Variants in BEND5 observed in about 807,000 individuals in gnomAD.
BEND5 encodes the protein BEN domain containing 5.
Under a neutral mutation model 43.9 loss-of-function variants are expected in BEND5, and 22 were observed. The observed-to-expected ratio is 0.50, with a 90% CI of 0.36 to 0.72. BEND5 has a LOEUF of 0.72. Among genes scored for constraint, BEND5 ranks in the 30% least tolerant of loss-of-function variants. BEND5 has a pLI of 0.00. For missense variants in BEND5, 428 were observed against 550.6 expected (o/e 0.78, Z 2.23); for synonymous variants, 228 against 225.9 (o/e 1.01, Z -0.08).
chr1:48,766,187 C>T (rs1270349508), intron 1 of BEND5, among the ~76,000 whole-genome samples: 1 of 152,114 alleles, frequency 6.6e-6, no homozygotes, highest in Non-Finnish European at 1.5e-5. Flanking sequence ...CTCACAACAA[C>T]CTTGCAAGTA....
chr1:48,773,792 G>T (rs1049360730), intron 1 of BEND5, among the ~76,000 whole-genome samples: 4 of 152,134 alleles, frequency 2.6e-5, no homozygotes, highest in African/African-American at 9.7e-5. Flanking sequence ...GAGCTTCGGT[G>T]TCCTCATCTA....
chr1:48,757,795 T>C (rs1644022249), intron 3 of BEND5, among the ~76,000 whole-genome samples: 1 of 152,208 alleles, frequency 6.6e-6, no homozygotes, highest in African/African-American at 2.4e-5. Context: ...GGCAAAATTG[T>C]ATTTTATTTA....
At position 48,761,902 on chromosome 1, in the gene BEND5, C is replaced by A. The variant is rs1442670285; in HGVS notation, c.227-432G>T. Among the ~76,000 whole-genome samples the A allele has an allele frequency of 2.0e-5, 3 of 152,138 alleles. No individual in the cohort carries two copies. In the East Asian group the frequency reaches 5.8e-4, roughly 29 times the overall value. ...AGAACTTGGTGGGTTTCTGTCAGCT[C>A]AAGTGCCAATAGACATGAGAGAGCT... On this transcript the variant is annotated intron_variant, in intron 1 of 5. Transcript: ENST00000371833.
intron 5 of BEND5, among the ~76,000 whole-genome samples, chr1:48,732,263 C>T (rs189402885): frequency 2.0e-5 from 3 of 152,022 alleles, no homozygotes; most frequent in Admixed American, 6.6e-5. Context: ...GCAGTTTTGC[C>T]AATGTCATGT....
At chr1:48,747,189 G>A (rs1477122273) in intron 3 of BEND5, among the ~76,000 whole-genome samples, 1 of 152,174 alleles carries the variant, frequency 6.6e-6, no homozygotes, top group Non-Finnish European at 1.5e-5. Flanking sequence ...ACAATCTGGC[G>A]CAGATATTTT....
chr1:48,732,525 A>C (rs1648305857), intron 5 of BEND5, among the ~76,000 whole-genome samples: 1 of 150,860 alleles, frequency 6.6e-6, no homozygotes, highest in African/African-American at 2.5e-5. Flanking sequence ...GAGTAGGGTG[A>C]TGTGACAGAC....
At chr1:48,734,099 C>T (rs1216374220) in intron 5 of BEND5, among the ~76,000 whole-genome samples, 1 of 152,138 alleles carries the variant, frequency 6.6e-6, no homozygotes. Flanking sequence ...TCAGGGTGAC[C>T]TCCCAAATCA....
chr1:48,742,950 A>C (rs1300505287), intron 3 of BEND5, among the ~76,000 whole-genome samples, 179 bp from the exon 4 acceptor site: 1 of 152,238 alleles, frequency 6.6e-6, no homozygotes, highest in Non-Finnish European at 1.5e-5. Context: ...TCACAAGGGA[A>C]AAGGTGGAAA....
intron 1 of BEND5, among the ~76,000 whole-genome samples, chr1:48,772,324 C>T (rs1299856775): frequency 6.6e-6 from 1 of 152,202 alleles, no homozygotes; most frequent in Non-Finnish European, 1.5e-5. Flanking sequence ...GCAAGGTCTC[C>T]AAATGTACTT....
chr1:48,769,385 G>A (rs750141264), intron 1 of BEND5, among the ~76,000 whole-genome samples: 1 of 152,126 alleles, frequency 6.6e-6, no homozygotes, highest in Non-Finnish European at 1.5e-5. Flanking sequence ...GGAGCCATTT[G>A]TCTAGCTGCC....
At position 48,750,507 on chromosome 1, in the gene BEND5, A is replaced by G. The variant is rs183555709; in HGVS notation, c.746-7736T>C. Among the ~76,000 whole-genome samples the G allele has an allele frequency of 8.5e-5, 13 of 152,214 alleles. No individual in the cohort carries two copies. In the East Asian group the frequency reaches 9.7e-4, roughly 11 times the overall value. On this transcript the variant is annotated intron_variant, in intron 3 of 5. Transcript: ENST00000371833. ...AGCCATGTAAGGAGCTCTCTTTTGT[A>G]TCCTTTCCCAACATCCTGAGAGCTC...
intron 4 of BEND5, among the ~76,000 whole-genome samples, chr1:48,739,020 T>C (rs1222087322): frequency 6.6e-6 from 1 of 152,204 alleles, no homozygotes; most frequent in African/African-American, 2.4e-5. Flanking sequence ...AAGCTTCTGC[T>C]CTCCCTGTCT....
chr1:48,772,372 C>G (rs1237364906), intron 1 of BEND5, among the ~76,000 whole-genome samples: 1 of 152,132 alleles, frequency 6.6e-6, no homozygotes. Flanking sequence ...GGGGCTGGAC[C>G]ACAAACTTCT....
rs1273026020 is a variant in BEND5, at chr1:48,736,435, C to T, written c.912G>A (p.Gly304=). Residue 304 remains glycine (G), a synonymous_variant, in exon 5 of 6, where the codon GGG becomes GGA. Transcript: ENST00000371833. This position sits in a 1 kb window ranked among gnomAD's most constrained non-coding sequence, Gnocchi z 4.0. ...GCCATTTCTCCTCATCAACCCAAAT[C>T]CCGCTTCCCAGATGGACCTGAGAGG... The part of the protein sequence containing the change: ...LDNGKVHLGS[G]IWVDEEKWHQ... 1.9e-6 allele frequency: 3 copies of T among 1,614,114 alleles called. No individual in the cohort carries two copies. The highest frequency in any genetic ancestry group is 2.2e-5 in the East Asian group (1 of 44,882).
chr1:48,753,705 C>T (rs902125497), intron 3 of BEND5, among the ~76,000 whole-genome samples: 1 of 152,206 alleles, frequency 6.6e-6, no homozygotes, highest in African/African-American at 2.4e-5. Context: ...ATTCTCCTCT[C>T]TAAAACGGAG....
At chr1:48,746,352 T>C (rs10888620) in intron 3 of BEND5, among the ~76,000 whole-genome samples, 90,254 of 151,962 alleles carry the variant, frequency 0.59, 29,967 homozygotes, top group Non-Finnish European at 0.77. Flanking sequence ...GCTGTTCTGC[T>C]TTTGCCCCTA....
chr1:48,776,495 G>A (rs1034985634), intron 1 of BEND5, 111 bp downstream of exon 1: 4 of 802,566 alleles, frequency 5.0e-6, no homozygotes, highest in African/African-American at 1.8e-5. Flanking sequence ...GAAGGAGGCA[G>A]GAAGGAGCAA....
At position 48,736,360 on chromosome 1, in the gene BEND5, T is replaced by C. The variant is rs1649051271; in HGVS notation, c.987A>G (p.Ala329=). 6 of 1,614,074 alleles carry C rather than the reference T, an allele frequency of 3.7e-6. No homozygotes were observed. Among genetic ancestry groups the C allele is most frequent in the Non-Finnish European group, 5.1e-6 (6 of 1,180,046 alleles). ...QGDSKYTKNL[A]VMIWGTDVLK... is the part of the protein sequence containing the mutation. ...GAACATCTGTTCCCCAAATCATAAC[T>C]GCCAAGTTCTTCGTGTACTTGGAAT... Residue 329 remains alanine, a synonymous_variant, in exon 5 of 6, where the codon GCA becomes GCG. Transcript: ENST00000371833. The surrounding 1 kb of genome is among the most constrained non-coding windows in gnomAD (Gnocchi z 4.0).
At chr1:48,766,226 A>T (rs1460810808) in intron 1 of BEND5, among the ~76,000 whole-genome samples, 2 of 152,104 alleles carry the variant, frequency 1.3e-5, no homozygotes, top group Non-Finnish European at 2.9e-5. Flanking sequence ...TTTTTTTCCA[A>T]AAAAGAAGAA....
Sources: gnomAD v4.1 joint callset for allele counts (sites outside exome capture counted in the v4.1 genomes callset) on GRCh38, gnomAD v4.1.1 for gene constraint, Gnocchi (gnomAD v3.1) non-coding constraint, MANE v1.5 for transcripts, NCBI Gene and HGNC (gene_info 2026-07-23, HGNC 2026-07-21) for gene names.